Variants in FBXW4 observed in about 807,000 individuals in gnomAD.
The protein encoded by FBXW4 is F-box and WD repeat domain containing 4, also known as F-box/WD repeat-containing protein 4.
FBXW4 carries 40 observed loss-of-function variants against 61.8 expected under a neutral mutation model. The observed-to-expected ratio is 0.65, with a 90% CI of 0.50 to 0.84. The LOEUF is 0.84. FBXW4 is among the 40% of genes least tolerant of loss of function. FBXW4 has a pLI of 0.00. For synonymous variants in FBXW4, 311 were observed against 313.8 expected (o/e 0.99, Z 0.10); for missense variants, 672 against 753.8 (o/e 0.89, Z 1.27).
At chr10:101,616,397 A>G (rs902941238) in intron 6 of FBXW4, among the ~76,000 whole-genome samples, 1 of 152,266 alleles carries the variant, frequency 6.6e-6, no homozygotes, top group Non-Finnish European at 1.5e-5. Context: ...GATCAAGAAG[A>G]CTTTGTCCCT....
intron 5 of FBXW4, among the ~76,000 whole-genome samples, chr10:101,638,934 G>A (rs551563609): frequency 4.2e-4 from 64 of 152,286 alleles, no homozygotes; most frequent in African/African-American, 1.5e-3. Context: ...TATGCGTCAT[G>A]AATTATACAC....
chr10:101,650,010 G>T (rs1225738304), intron 5 of FBXW4, among the ~76,000 whole-genome samples: 20 of 152,174 alleles, frequency 1.3e-4, no homozygotes, highest in Non-Finnish European at 1.0e-4. Context: ...CACCCAGGCT[G>T]AGGCTCCCCA....
At chr10:101,626,832 C>T (rs181352274) in intron 5 of FBXW4, 8 of 152,342 alleles carry the variant, frequency 5.3e-5, no homozygotes, top group Admixed American at 5.2e-4. Flanking sequence ...TGGCCACAGG[C>T]CTAAATTAGC....
chr10:101,682,400 A>C (rs2064487809), intron 1 of FBXW4, among the ~76,000 whole-genome samples: 1 of 151,832 alleles, frequency 6.6e-6, no homozygotes, highest in African/African-American at 2.4e-5. Context: ...GGATGGGCCA[A>C]AGGAACTGAA....
intron 1 of FBXW4, among the ~76,000 whole-genome samples, chr10:101,681,870 G>C (rs940157497): frequency 6.6e-6 from 1 of 151,906 alleles, no homozygotes; most frequent in Admixed American, 6.6e-5. Context: ...CTAAAGAGCA[G>C]ATTAAATAAA....
chr10:101,642,913 T>G (rs2064066154), intron 5 of FBXW4, among the ~76,000 whole-genome samples: 1 of 152,124 alleles, frequency 6.6e-6, no homozygotes, highest in South Asian at 2.1e-4. Context: ...GATCTGGGGG[T>G]ACGCACATAC....
At chr10:101,622,315 C>A (rs1307629799) in intron 6 of FBXW4, among the ~76,000 whole-genome samples, 1 of 152,070 alleles carries the variant, frequency 6.6e-6, no homozygotes, top group East Asian at 1.9e-4. Context: ...GGGCCTAGGG[C>A]AAGGTGAAGA....
At position 101,680,212 on chromosome 10, in the gene FBXW4, T is replaced by C. The variant is rs1005039034; in HGVS notation, c.726-3776A>G. 4.6e-5 allele frequency among the ~76,000 whole-genome samples: 7 copies of C among 152,116 alleles called. No homozygotes were observed. The South Asian group carries it at 1.4e-3, about 31-fold the overall frequency. ...CACAATATAATAAATTCCAAAAATA[T>C]GAGGGTGAATTTAAAAGTTTAACTA... On this transcript the variant is annotated intron_variant, in intron 1 of 8. Coordinates refer to ENST00000331272, the MANE Select transcript of FBXW4 (RefSeq NM_022039.4).
intron 5 of FBXW4, 151 bp from the exon 6 acceptor site, chr10:101,624,961 G>T: frequency 1.2e-6 from 1 of 804,410 alleles, no homozygotes; most frequent in Non-Finnish European, 2.1e-6. Context: ...CAGAGGAGCT[G>T]TGGGAAGACA....
chr10:101,623,917 A>G (rs865795624), intron 6 of FBXW4, among the ~76,000 whole-genome samples: 3 of 152,230 alleles, frequency 2.0e-5, no homozygotes, highest in African/African-American at 7.2e-5. Flanking sequence ...GTTGCCAGGA[A>G]TCAGGGACAA....
At chr10:101,654,598 A>G in intron 5 of FBXW4, among the ~76,000 whole-genome samples, 1 of 152,304 alleles carries the variant, frequency 6.6e-6, no homozygotes, top group Non-Finnish European at 1.5e-5. Context: ...AAGTAAGTAA[A>G]CATCAACAGA....
chr10:101,611,205 G>A lies in FBXW4; in HGVS notation c.*86C>T. On this transcript the variant is annotated 3_prime_UTR_variant, in exon 9 of 9. Transcript: ENST00000331272. The surrounding 1 kb of genome is among the most constrained non-coding windows in gnomAD (Gnocchi z 4.9). ...GCCCAGGAGCACAGTGGGGCAGTGA[G>A]GAGGAGCTATCACTGCACCCTCCAG... is the stretch of plus-strand genomic sequence containing the variant. 6 of 1,515,446 alleles carry A rather than the reference G, an allele frequency of 4.0e-6. No homozygotes were observed. In the South Asian group the frequency reaches 6.3e-5, roughly 16 times the overall value. The allele number at this position is 1,515,446 out of a possible 1,614,324, so 93.9% of individuals were successfully genotyped here. A position where few individuals can be genotyped will look rare whatever the true frequency, so the allele number is the denominator to read the frequency against.
chr10:101,671,463 C>T (rs888505), intron 4 of FBXW4, among the ~76,000 whole-genome samples: 151,869 of 152,366 alleles, frequency 1, 75,689 homozygotes, highest in East Asian at 1. Flanking sequence ...GTATCTCAAA[C>T]AAACTTGCTA....
rs774510981 is a variant in FBXW4 at position 101,624,731 on chromosome 10, CATGA to C, written c.1301+10_1301+13del. On this transcript the variant is annotated intron_variant, in intron 6 of 8. Transcript: ENST00000331272. ...CCTGGACTGGAAGCCAGCATGGGCT[CATGA>C]ATCTCTTACCTGTTGAGGTCCCAGA... 1 of 1,613,998 alleles carries C rather than the reference CATGA, an allele frequency of 6.2e-7. No individual in the cohort carries two copies. Among genetic ancestry groups the C allele is most frequent in the South Asian group, 1.1e-5 (1 of 91,080 alleles).
intron 5 of FBXW4, among the ~76,000 whole-genome samples, chr10:101,664,496 A>G (rs537784633): frequency 6.6e-6 from 1 of 152,272 alleles, no homozygotes; most frequent in African/African-American, 2.4e-5. Context: ...GTCATATCAT[A>G]TTAGTGACAC....
chr10:101,633,683 C>A (rs1338979262), intron 5 of FBXW4, among the ~76,000 whole-genome samples: 1 of 151,716 alleles, frequency 6.6e-6, no homozygotes, highest in Non-Finnish European at 1.5e-5. Flanking sequence ...TATATACCAG[C>A]AATAACCAAG....
intron 5 of FBXW4, among the ~76,000 whole-genome samples, chr10:101,667,342 T>G (rs2064313290): frequency 6.6e-6 from 1 of 152,062 alleles, no homozygotes; most frequent in Non-Finnish European, 1.5e-5. Flanking sequence ...ATCATCAAAA[T>G]TTCACACTTT....
intron 5 of FBXW4, among the ~76,000 whole-genome samples, chr10:101,642,839 C>G (rs951080855): frequency 5.3e-5 from 8 of 152,188 alleles, no homozygotes; most frequent in African/African-American, 1.9e-4. Context: ...ATCAGCGCCA[C>G]CAGGCCCTCC....
At chr10:101,637,699 CAAAAAAAAAAAA>C (rs34463792) in intron 5 of FBXW4, among the ~76,000 whole-genome samples, 1 of 82,054 alleles carries the variant, frequency 1.2e-5, no homozygotes. Context: ...GATCCTGTCT[CAAAAAAAAAAAA>C]AAAAAAAAAA....
Sources: gnomAD v4.1 joint callset for allele counts (sites outside exome capture counted in the v4.1 genomes callset) on GRCh38, gnomAD v4.1.1 for gene constraint, Gnocchi (gnomAD v3.1) non-coding constraint, MANE v1.5 for transcripts, NCBI Gene and HGNC (gene_info 2026-07-23, HGNC 2026-07-21) for gene names.